GET4: variants seen among roughly 807,000 people sequenced by gnomAD.
GET4 encodes the protein guided entry of tail-anchored proteins factor 4, also known as Golgi to ER traffic protein 4 homolog.
Under a neutral mutation model 40.0 loss-of-function variants are expected in GET4, and 20 were observed. That is an observed-to-expected ratio of 0.50 (90% CI 0.35 to 0.73). The LOEUF (loss-of-function observed/expected upper bound fraction) is 0.73, where lower values mean the gene tolerates loss of function less well. GET4 is among the 30% of genes least tolerant of loss of function. The pLI is 0.01. For missense variants in GET4, 557 were observed against 454.0 expected (o/e 1.23, Z -2.06); for synonymous variants, 280 against 194.6 (o/e 1.44, Z -3.65).
chr7:892,216 G>A (rs771155287), intron 5 of GET4, 62 bp from the exon 6 acceptor site: 64 of 1,549,326 alleles, frequency 4.1e-5, no homozygotes, highest in Middle Eastern at 3.5e-4. Context: ...GGAGGCCGGC[G>A]CCTGTGCGGG....
chr7:886,886 T>G (rs571869146), intron 3 of GET4: 2 of 566,448 alleles, frequency 3.5e-6, no homozygotes, highest in Non-Finnish European at 6.4e-6. Context: ...AGGGCATGAC[T>G]GGGGCCCTGT....
At chr7:892,150 C>T (rs545908484) in intron 5 of GET4, 128 bp from the exon 6 acceptor site, 16 of 879,554 alleles carry the variant, frequency 1.8e-5, no homozygotes, top group Admixed American at 4.1e-5. Context: ...CACTGGGTCC[C>T]TCCATGGCCT....
chr7:895,271 G>A, intron 8 of GET4, 63 bp from the exon 9 acceptor site: 1 of 770,808 alleles, frequency 1.3e-6, no homozygotes. Context: ...TTGTGGGAAG[G>A]AGGGGCTTGG....
intron 1 of GET4, chr7:882,660 G>A (rs556203964): frequency 2.6e-4 from 40 of 152,558 alleles, no homozygotes; most frequent in African/African-American, 8.9e-4. Context: ...CGGGGATGGC[G>A]CGGGTTGTGG....
intron 5 of GET4, among the ~76,000 whole-genome samples, chr7:891,434 G>A (rs761250569): frequency 2.0e-5 from 3 of 152,268 alleles, no homozygotes; most frequent in East Asian, 3.9e-4. Flanking sequence ...GGCCCCTCCC[G>A]CCAGCTCGCT....
Position 886,624 on chromosome 7 carries a change from A to C in GET4, c.290A>C (p.Glu97Ala). 3 of 1,612,650 alleles carry C rather than the reference A, an allele frequency of 1.9e-6. No homozygotes were observed. The highest frequency in any genetic ancestry group is 2.5e-6 in the Non-Finnish European group (3 of 1,179,424). ...MLVLESLEKA[E>A]VEVADELLEN... ...GTCCTGGAGTCCCTGGAGAAGGCGG[A>C]AGTGGAGGTGGCTGACGAGCTGCTG... Residue 97 changes from glutamate to alanine, a missense_variant, in exon 3 of 9, where the codon GAA becomes GCA. Transcript: ENST00000265857.
At chr7:881,797 C>G (rs1464578955) in intron 1 of GET4, 1 of 152,274 alleles carries the variant, frequency 6.6e-6, no homozygotes, top group East Asian at 1.9e-4. Context: ...GGGTACCTGA[C>G]AGTTTTGTTA....
intron 4 of GET4, among the ~76,000 whole-genome samples, chr7:888,877 C>A (rs1377895415): frequency 6.6e-6 from 1 of 152,258 alleles, no homozygotes; most frequent in Non-Finnish European, 1.5e-5. Flanking sequence ...GCTGCCCCCA[C>A]CCCCTGCCCG....
chr7:879,273 C>A (rs1006537322), intron 1 of GET4, among the ~76,000 whole-genome samples: 3 of 152,238 alleles, frequency 2.0e-5, no homozygotes, highest in African/African-American at 4.8e-5. Flanking sequence ...CCTGGGTAAG[C>A]GAGTGGCCGG....
chr7:876,653 C>T lies in GET4; in HGVS notation c.8C>T (p.Ala3Val), dbSNP rs543031316. 9 of 1,274,640 alleles carry T rather than the reference C, an allele frequency of 7.1e-6. No individual in the cohort carries two copies. In the South Asian group the frequency reaches 1.1e-4, roughly 15 times the overall value. 79.0% of individuals were successfully genotyped at this position (1,274,640 alleles called of 1,614,324 possible). A position where few individuals can be genotyped will look rare whatever the true frequency, so the allele number is the denominator to read the frequency against. Residue 3 changes from alanine (A) to valine (V), a missense_variant, in exon 1 of 9, where the codon GCG becomes GTG. Transcript: ENST00000265857. ...GCGCGGAGCGCCGGCCCGATGGCGGCGGCGGCGGCGATGGCCGAGCAGGAG... is the reference window on the plus strand; with the variant it reads ...GCGCGGAGCGCCGGCCCGATGGCGGTGGCGGCGGCGATGGCCGAGCAGGAG... The part of the protein sequence containing the change: MA[A>V]AAAMAEQESA...
intron 1 of GET4, chr7:878,458 G>T: frequency 2.2e-6 from 1 of 447,610 alleles, no homozygotes. Flanking sequence ...TTTTCCATGG[G>T]GTACCTTCTA....
intron 8 of GET4, among the ~76,000 whole-genome samples, chr7:894,352 G>T (rs1360103059): frequency 2.0e-5 from 3 of 152,190 alleles, no homozygotes; most frequent in Admixed American, 2.0e-4. Flanking sequence ...CCGTGGCTTT[G>T]GGGTCGCGGC....
At chr7:892,520 G>T in intron 6 of GET4, 102 bp downstream of exon 6, 1 of 1,303,032 alleles carries the variant, frequency 7.7e-7, no homozygotes, top group Non-Finnish European at 1.1e-6. Flanking sequence ...GTGTAGCCAT[G>T]GTGTGGGTAG....
At chr7:894,025 C>A in intron 8 of GET4, 54 bp downstream of exon 8, 1 of 1,232,662 alleles carries the variant, frequency 8.1e-7, no homozygotes, top group Non-Finnish European at 1.1e-6. Context: ...GGTGTGGGGT[C>A]ATCATCTCTG....
intron 1 of GET4, chr7:884,022 A>T: frequency 3.5e-6 from 4 of 1,151,556 alleles, no homozygotes; most frequent in Non-Finnish European, 4.3e-6. Flanking sequence ...GGCCGTGACC[A>T]TCGGCAGTGC....
intron 3 of GET4, 71 bp from the exon 4 acceptor site, chr7:887,299 C>G: frequency 2.1e-6 from 3 of 1,451,360 alleles, no homozygotes; most frequent in Non-Finnish European, 2.9e-6. Flanking sequence ...AAATCCACTT[C>G]TGTGGGGAAT....
At chr7:883,381 G>A (rs907268062) in intron 1 of GET4, 22 of 348,294 alleles carry the variant, frequency 6.3e-5, no homozygotes, top group Non-Finnish European at 8.5e-5. Flanking sequence ...AGAGAAGGGC[G>A]GGATTCGCCC....
chr7:892,573 G>A (rs528292653), intron 6 of GET4, 155 bp downstream of exon 6: 44 of 682,260 alleles, frequency 6.4e-5, no homozygotes, highest in South Asian at 1.2e-4. Context: ...GGGTGTAGAC[G>A]TGGCATAGGT....
chr7:881,588 A>G (rs1322082430), intron 1 of GET4: 1 of 152,224 alleles, frequency 6.6e-6, no homozygotes, highest in East Asian at 1.9e-4. Flanking sequence ...TAAATTTACC[A>G]AAAGATACTG....
Sources: allele counts gnomAD v4.1 joint callset (sites outside exome capture counted in the v4.1 genomes callset), GRCh38; gene constraint gnomAD v4.1.1; transcripts MANE v1.5; gene names NCBI Gene and HGNC (gene_info 2026-07-23, HGNC 2026-07-21).